The following ITGAE variants were observed in gnomAD, a reference collection of about 807,000 sequenced individuals.
ITGAE encodes the protein integrin alpha-E.
In ITGAE, 99 loss-of-function variants were observed where a neutral mutation model predicts 136.5. The observed-to-expected ratio is 0.73, with a 90% confidence interval of 0.62 to 0.86. The LOEUF is 0.86. ITGAE is among the 40% of genes least tolerant of loss of function. The pLI is 0.00. For synonymous variants in ITGAE, 613 were observed against 591.8 expected, an observed-to-expected ratio of 1.04 and a Z score of -0.52; for missense variants, 1,447 against 1,515.3, an observed-to-expected ratio of 0.95 and a Z score of 0.75.
intron 1 of ITGAE, 82 bp from the exon 2 acceptor site, chr17:3,777,742 G>A (rs1004919026): frequency 2.1e-5 from 31 of 1,473,676 alleles, no homozygotes; most frequent in South Asian, 9.0e-5. Flanking sequence ...CATGAACCCC[G>A]TTTTACAGCT....
In ITGAE at chr17:3,732,479, C is replaced by T. The variant is rs768789487; in HGVS notation, c.2656-13G>A. 1 of 1,603,746 alleles carries T rather than the reference C, an allele frequency of 6.2e-7. No homozygotes were observed. The highest frequency in any genetic ancestry group is 1.1e-5 in the South Asian group (1 of 90,884). On this transcript the variant is annotated splice_polypyrimidine_tract_variant and intron_variant, in intron 21 of 30. Coordinates refer to ENST00000263087, the MANE Select transcript of ITGAE (RefSeq NM_002208.5). ...TTGGAGAGGGAGGCTGTTAAAAGAGCAGATGACATTCTCTTAAAGAGCCAA... is the reference window on the plus strand; with the variant it reads ...TTGGAGAGGGAGGCTGTTAAAAGAGTAGATGACATTCTCTTAAAGAGCCAA...
intron 17 of ITGAE, among the ~76,000 whole-genome samples, chr17:3,747,208 G>A (rs2051737095): frequency 6.6e-6 from 1 of 152,242 alleles, no homozygotes; most frequent in Non-Finnish European, 1.5e-5. Flanking sequence ...GGCACATAGT[G>A]AGGAGGGAAG....
chr17:3,794,397 G>A (rs1417355101), intron 1 of ITGAE, among the ~76,000 whole-genome samples: 1 of 152,142 alleles, frequency 6.6e-6, no homozygotes, highest in Admixed American at 6.6e-5. Context: ...TGGGATTACA[G>A]GAGTGAGCCA....
At chr17:3,754,727 A>G (rs62070383) in intron 12 of ITGAE, 88,709 of 256,944 alleles carry the variant, frequency 0.35, 16,816 homozygotes, top group Non-Finnish European at 0.41. Flanking sequence ...CGGAAACCTC[A>G]AGTGCAGCCT....
At chr17:3,795,488 C>G (rs868249078) in intron 1 of ITGAE, among the ~76,000 whole-genome samples, 8 of 152,220 alleles carry the variant, frequency 5.3e-5, no homozygotes, top group Non-Finnish European at 7.3e-5. Context: ...TGCTGAGGCT[C>G]AGAGAGGGGT....
At position 3,723,839 on chromosome 17, in the gene ITGAE, C is replaced by G. The variant is rs924579318; in HGVS notation, c.3085-95G>C. ...CCGGCCCTGGCGAGGTGCGCATGCG[C>G]AGGGCCGGGAGCTAGGACCCCGCGG... On this transcript the variant is annotated intron_variant, in intron 26 of 30. Coordinates refer to ENST00000263087, the MANE Select transcript of ITGAE (RefSeq NM_002208.5). The G allele has an allele frequency of 1.6e-5, 25 of 1,543,736 alleles. No individual in the cohort carries two copies. The South Asian group carries it at 2.4e-4, about 15-fold the overall frequency.
chr17:3,782,695 G>T (rs35286032), intron 1 of ITGAE, among the ~76,000 whole-genome samples: 13,394 of 152,116 alleles, frequency 0.088, 727 homozygotes, highest in East Asian at 0.18. Flanking sequence ...GCAAGGTGAA[G>T]TCCAGTTTAC....
intron 1 of ITGAE, among the ~76,000 whole-genome samples, chr17:3,796,053 G>GTGTGCATC (rs2053080476): frequency 1.3e-4 from 2 of 15,036 alleles, no homozygotes; most frequent in African/African-American, 2.9e-4. Flanking sequence ...GTGTGCATCT[G>GTGTGCATC]TGTGTGTGCA....
At chr17:3,755,555 A>G (rs1234323356) in intron 11 of ITGAE, among the ~76,000 whole-genome samples, 2 of 152,218 alleles carry the variant, frequency 1.3e-5, no homozygotes, top group Non-Finnish European at 2.9e-5. Context: ...TGGATGTTTG[A>G]GCACACAGAA....
Position 3,745,610 on chromosome 17 carries a change from G to C in ITGAE, c.2319+154C>G, listed in dbSNP as rs1018557081. Among the ~76,000 whole-genome samples the C allele has an allele frequency of 3.9e-5, 6 of 152,276 alleles. 1 individual carries two copies. On this transcript the variant is annotated intron_variant, in intron 18 of 30. Coordinates refer to ENST00000263087, the MANE Select transcript of ITGAE (RefSeq NM_002208.5). ...CCCCGCCTTGGCCTCCCAAAGTGCT[G>C]GGATGACAGGCGTGAGCCACCGTGC...
At chr17:3,723,404 GAACAC>G (rs2051101517) in intron 27 of ITGAE, 21 bp from the exon 28 acceptor site, 5 of 1,533,184 alleles carry the variant, frequency 3.3e-6, no homozygotes, top group Non-Finnish European at 4.5e-6. Flanking sequence ...GAGGTCTAGT[GAACAC>G]AATTCCTTTC....
intron 1 of ITGAE, among the ~76,000 whole-genome samples, chr17:3,782,181 G>C (rs1182207227): frequency 6.8e-6 from 1 of 147,762 alleles, no homozygotes; most frequent in Admixed American, 7.1e-5. Context: ...AGGCTGACAA[G>C]GGAGAATCGC....
chr17:3,779,185 C>T (rs953905273), intron 1 of ITGAE, among the ~76,000 whole-genome samples: 10 of 151,994 alleles, frequency 6.6e-5, no homozygotes, highest in Admixed American at 6.6e-5. Flanking sequence ...TCAGAACACA[C>T]GCAATGAATG....
At chr17:3,715,648 T>A (rs546726676) in intron 30 of ITGAE, among the ~76,000 whole-genome samples, 1 of 151,922 alleles carries the variant, frequency 6.6e-6, no homozygotes, top group African/African-American at 2.4e-5. Flanking sequence ...AGCCCCGGAG[T>A]TTGAGACCAG....
At chr17:3,756,904 A>T in intron 10 of ITGAE, 80 bp downstream of exon 10, 1 of 1,470,684 alleles carries the variant, frequency 6.8e-7, no homozygotes, top group Non-Finnish European at 9.2e-7. Flanking sequence ...GCTCAGAGAA[A>T]CCACATGAAG....
chr17:3,795,531 T>C (rs2053044905), intron 1 of ITGAE, among the ~76,000 whole-genome samples: 1 of 152,230 alleles, frequency 6.6e-6, no homozygotes, highest in African/African-American at 2.4e-5. Flanking sequence ...GAAGATTGAA[T>C]ATTTGTGTCT....
At chr17:3,777,759 A>G in intron 1 of ITGAE, 99 bp from the exon 2 acceptor site, 1 of 1,367,868 alleles carries the variant, frequency 7.3e-7, no homozygotes, top group Non-Finnish European at 9.9e-7. Flanking sequence ...AGCTGAGAAA[A>G]GTGAGACTGC....
Position 3,728,088 on chromosome 17 carries a change from C to A in ITGAE, c.2976+17G>T. 6.2e-7 allele frequency: 1 copy of A among 1,607,640 alleles called. No individual in the cohort carries two copies. On this transcript the variant is annotated intron_variant, in intron 25 of 30. Transcript: ENST00000263087. The stretch of plus-strand genomic sequence containing the variant: ...TATTGCTTTGCCATCTACAGCTTTA[C>A]AATAATAAGTACTTACATGGAAGAG...
chr17:3,795,923 G>C (rs535844111), intron 1 of ITGAE, among the ~76,000 whole-genome samples: 1 of 146,590 alleles, frequency 6.8e-6, no homozygotes, highest in African/African-American at 2.7e-5. Flanking sequence ...ATCCGTGTGT[G>C]TGCATCCGTG....
Sources: allele counts gnomAD v4.1 joint callset (sites outside exome capture counted in the v4.1 genomes callset), GRCh38; gene constraint gnomAD v4.1.1; transcripts MANE v1.5; gene names NCBI Gene and HGNC (gene_info 2026-07-23, HGNC 2026-07-21).